CEP152: variants seen among roughly 807,000 people sequenced by gnomAD.
CEP152 encodes centrosomal protein of 152 kDa.
A neutral mutation model predicts 188.9 loss-of-function variants in CEP152; 132 were observed. That is an observed-to-expected ratio of 0.70 (90% CI 0.61 to 0.81). The LOEUF (loss-of-function observed/expected upper bound fraction) is 0.81. Among genes scored for constraint, CEP152 ranks in the 30% least tolerant of loss-of-function variants. CEP152 has a pLI of 0.00. For synonymous variants in CEP152, 649 were observed against 666.6 expected (o/e 0.97, Z 0.41); for missense variants, 1,914 against 1,969.8 (o/e 0.97, Z 0.54).
intron 22 of CEP152, among the ~76,000 whole-genome samples, chr15:48,747,774 A>G (rs1465334711): frequency 6.6e-6 from 1 of 152,206 alleles, no homozygotes; most frequent in Non-Finnish European, 1.5e-5. Context: ...AAGAGGGAGC[A>G]GCGATCTAAG....
At chr15:48,746,103 T>C (rs183438612) in intron 22 of CEP152, among the ~76,000 whole-genome samples, 8 of 152,212 alleles carry the variant, frequency 5.3e-5, no homozygotes, top group Admixed American at 2.6e-4. Flanking sequence ...AGTGGAAAAA[T>C]AGAATTTAAG....
intron 17 of CEP152, among the ~76,000 whole-genome samples, chr15:48,763,176 G>A (rs1364329799): frequency 1.3e-5 from 2 of 152,148 alleles, no homozygotes; most frequent in Non-Finnish European, 2.9e-5. Context: ...TCAAAAGGGA[G>A]GCAGTATTAT....
Position 48,751,352 on chromosome 15 carries a change from G to A in CEP152, c.3466+997C>T, listed in dbSNP as rs79674559. ...TAGAATTCTCAGGCTATTCCAAACA[G>A]GGCATAAAAAGTACAATGCAAAATA... On this transcript the variant is annotated intron_variant, in intron 21 of 26. Coordinates refer to ENST00000380950, the MANE Select transcript of CEP152 (RefSeq NM_001194998.2). Among the ~76,000 whole-genome samples the A allele has an allele frequency of 3.5e-3, 537 of 152,118 alleles. 3 individuals are homozygous for A. The highest frequency in any genetic ancestry group is 0.013 in the African/African-American group (520 of 41,504).
At chr15:48,805,298 C>G (rs1019145775) in intron 2 of CEP152, among the ~76,000 whole-genome samples, 1 of 152,178 alleles carries the variant, frequency 6.6e-6, no homozygotes, top group African/African-American at 2.4e-5. Flanking sequence ...CAAAGCCAAC[C>G]ATTACCTCCT....
At chr15:48,772,944 G>A (rs141629227) in intron 12 of CEP152, among the ~76,000 whole-genome samples, 39 of 152,306 alleles carry the variant, frequency 2.6e-4, no homozygotes, top group African/African-American at 8.9e-4. Flanking sequence ...AAGTAGCTTA[G>A]AAATGTGAAC....
At position 48,808,489 on chromosome 15, in the gene CEP152, AAGAC is replaced by A. The variant is rs547664789; in HGVS notation, c.-8+2468_-8+2471del. ...AAAATTATTACAAAGAAATGAGAAAAAGACAATCCAATATAAAATTGGGCGACTG... is the reference window on the plus strand; with the variant it reads ...AAAATTATTACAAAGAAATGAGAAAAAATCCAATATAAAATTGGGCGACTG... On this transcript the variant is annotated intron_variant, in intron 1 of 26. Transcript: ENST00000380950. 2.0e-3 allele frequency among the ~76,000 whole-genome samples: 299 copies of A among 152,234 alleles called. 2 individuals are homozygous for A. The highest frequency in any genetic ancestry group is 6.8e-3 in the African/African-American group (282 of 41,560).
At chr15:48,735,340 T>G (rs953547206), downstream of CEP152, among the ~76,000 whole-genome samples, 2 of 152,182 alleles carry the variant, frequency 1.3e-5, no homozygotes, top group Non-Finnish European at 2.9e-5. Flanking sequence ...TCAAAACATA[T>G]GAGGTGCAAC....
At chr15:48,794,800 C>T (rs965288177) in intron 6 of CEP152, among the ~76,000 whole-genome samples, 10 of 152,214 alleles carry the variant, frequency 6.6e-5, no homozygotes, top group African/African-American at 2.4e-4. Flanking sequence ...GTCATATACA[C>T]TGTCCACTTC....
At position 48,784,074 on chromosome 15, in the gene CEP152, C is replaced by T; in HGVS notation, c.1220G>A (p.Arg407Lys). ...TTCTAACTTGATTGCTTCTTGATTCCTTTCCAGTTGTTTCACGTGATCTTT... is the reference window on the plus strand; with the variant it reads ...TTCTAACTTGATTGCTTCTTGATTCTTTTCCAGTTGTTTCACGTGATCTTT... ...RLKDHVKQLE[R>K]NQEAIKLEKT... The change falls in exon 10 of 27, where the codon AGG becomes AAG. Residue 407 changes from arginine (R) to lysine (K), a missense_variant. Arg to Lys is a conservative substitution (Grantham distance 26, BLOSUM62 2). Coordinates refer to ENST00000380950, the MANE Select transcript of CEP152 (RefSeq NM_001194998.2). The T allele has an allele frequency of 6.2e-7, 1 of 1,613,722 alleles. No individual in the cohort carries two copies. Among genetic ancestry groups the T allele is most frequent in the Non-Finnish European group, 8.5e-7 (1 of 1,179,838 alleles).
At chr15:48,799,831 T>A (rs1430775999) in intron 2 of CEP152, among the ~76,000 whole-genome samples, 1 of 152,208 alleles carries the variant, frequency 6.6e-6, no homozygotes, top group Admixed American at 6.5e-5. Context: ...CTATGAGGTC[T>A]TTTAAAAGTA....
At chr15:48,772,090 C>T (rs1895571380) in intron 13 of CEP152, among the ~76,000 whole-genome samples, 1 of 152,134 alleles carries the variant, frequency 6.6e-6, no homozygotes, top group South Asian at 2.1e-4. Context: ...AAATAAACTC[C>T]TGAAAGCCAA....
chr15:48,784,918 A>G (rs1896524307), intron 9 of CEP152, among the ~76,000 whole-genome samples: 1 of 152,210 alleles, frequency 6.6e-6, no homozygotes, highest in Admixed American at 6.5e-5. Context: ...TCCTGAGTCC[A>G]GGTAGAACAA....
At chr15:48,742,749 G>GT (rs543439909) in intron 24 of CEP152, among the ~76,000 whole-genome samples, 83 of 146,640 alleles carry the variant, frequency 5.7e-4, no homozygotes, top group Admixed American at 1.3e-3. Context: ...CAGCTTTCAA[G>GT]TTTTTTTTTT....
intron 17 of CEP152, among the ~76,000 whole-genome samples, chr15:48,766,704 C>T (rs746307190): frequency 2.0e-5 from 3 of 151,856 alleles, no homozygotes; most frequent in Non-Finnish European, 1.5e-5. Flanking sequence ...CCGTGCAGCG[C>T]TCACAGGACT....
At chr15:48,758,055 T>C (rs1162121515) in intron 19 of CEP152, among the ~76,000 whole-genome samples, 1 of 152,226 alleles carries the variant, frequency 6.6e-6, no homozygotes, top group Non-Finnish European at 1.5e-5. Context: ...CTGAGCAGCT[T>C]TTAAAAATCC....
Position 48,793,353 on chromosome 15 carries a change from C to G in CEP152, c.800G>C (p.Arg267Pro). ...TATTACAAGCTGGTGATTCAGATAT[C>G]GAATTTGACGTTCACTTTCATTTAA... ...EKLNESERQIRYLNHQLVIIK... is the reference protein window; with the variant it reads ...EKLNESERQIPYLNHQLVIIK... The change falls in exon 7 of 27, where the codon CGA becomes CCA. Residue 267 changes from arginine (R) to proline (P), a missense_variant. By Grantham distance (103) the Arg-to-Pro change is moderately radical. Coordinates refer to ENST00000380950, the MANE Select transcript of CEP152 (RefSeq NM_001194998.2). 1 of 1,613,934 alleles carries G rather than the reference C, an allele frequency of 6.2e-7. No individual in the cohort carries two copies. Among genetic ancestry groups the G allele is most frequent in the Non-Finnish European group, 8.5e-7 (1 of 1,179,944 alleles).
chr15:48,772,643 G>A lies in CEP152; in HGVS notation c.1626C>T (p.Phe542=), dbSNP rs1424121590. Residue 542 remains phenylalanine, a synonymous_variant, in exon 13 of 27, where the codon TTC becomes TTT. Coordinates refer to ENST00000380950, the MANE Select transcript of CEP152 (RefSeq NM_001194998.2). ...GTACTTCTGCCTTTAACTTCAGAAT[G>A]AACTCATCTTTTGAAAGCTCTTCAT... ...DPNEELSKDE[F]ILKLKAEVQR... 6.2e-7 allele frequency: 1 copy of A among 1,614,038 alleles called. No homozygotes were observed. The highest frequency in any genetic ancestry group is 8.5e-7 in the Non-Finnish European group (1 of 1,180,010).
Position 48,760,124 on chromosome 15 carries a change from A to G in CEP152, c.2694+11T>C. On this transcript the variant is annotated intron_variant, in intron 19 of 26. Transcript: ENST00000380950. ...CAGCCTCCTGAAGTGTCTTTGCAGA[A>G]GAGCTCTTACCCTTTTGTTCACAGA... is the stretch of plus-strand genomic sequence containing the variant. The G allele has an allele frequency of 6.2e-7, 1 of 1,613,772 alleles. No homozygotes were observed. Among genetic ancestry groups the G allele is most frequent in the South Asian group, 1.1e-5 (1 of 91,070 alleles).
At chr15:48,763,811 TTAAG>T in intron 17 of CEP152, among the ~76,000 whole-genome samples, 1 of 152,348 alleles carries the variant, frequency 6.6e-6, no homozygotes, top group South Asian at 2.1e-4. Flanking sequence ...CATTTGCTAT[TTAAG>T]TAATAGAGGT....
Sources: gnomAD v4.1 joint callset for allele counts (sites outside exome capture counted in the v4.1 genomes callset) on GRCh38, gnomAD v4.1.1 for gene constraint, MANE v1.5 for transcripts, NCBI Gene and HGNC (gene_info 2026-07-23, HGNC 2026-07-21) for gene names.